Variants in CHMP4B observed in about 807,000 individuals in gnomAD.
CHMP4B encodes the protein charged multivesicular body protein 4B, also known as SNF7 homolog associated with Alix 1.
In CHMP4B, 1 loss-of-function variant was observed where a neutral mutation model predicts 25.1. The observed-to-expected ratio is 0.04, with a 90% CI of 0.01 to 0.19. CHMP4B has a LOEUF of 0.19. CHMP4B is among the 10% of genes least tolerant of loss of function. The pLI is 1.00. For missense variants in CHMP4B, 151 were observed against 289.7 expected, an observed-to-expected ratio of 0.52 and a Z score of 3.48; for synonymous variants, 101 against 115.6, an observed-to-expected ratio of 0.87 and a Z score of 0.81.
At chr20:33,841,720 AT>A (rs963101051) in intron 1 of CHMP4B, among the ~76,000 whole-genome samples, 2 of 152,112 alleles carry the variant, frequency 1.3e-5, no homozygotes, top group African/African-American at 4.8e-5. Flanking sequence ...CCTCTTTCCC[AT>A]TCTTTTTTCC....
intron 1 of CHMP4B, among the ~76,000 whole-genome samples, chr20:33,829,788 C>G (rs962481574): frequency 6.6e-6 from 1 of 152,160 alleles, no homozygotes; most frequent in African/African-American, 2.4e-5. Flanking sequence ...AGACCAGTGC[C>G]TAATGTAGGG....
At chr20:33,818,918 GT>G (rs1238378019) in intron 1 of CHMP4B, among the ~76,000 whole-genome samples, 2 of 150,596 alleles carry the variant, frequency 1.3e-5, no homozygotes, top group Admixed American at 1.3e-4. Context: ...TTTTTTGTTT[GT>G]TTTTTTTTGA....
chr20:33,826,222 G>A (rs1338122335), intron 1 of CHMP4B, among the ~76,000 whole-genome samples: 1 of 152,174 alleles, frequency 6.6e-6, no homozygotes, highest in Non-Finnish European at 1.5e-5. Context: ...TAGCACCAGG[G>A]GGATGGCAGG....
chr20:33,834,008 T>A (rs1160231086), intron 1 of CHMP4B, among the ~76,000 whole-genome samples: 1 of 152,258 alleles, frequency 6.6e-6, no homozygotes, highest in Non-Finnish European at 1.5e-5. Context: ...TTTGTAGTAT[T>A]GGTATGAAGT....
At chr20:33,830,933 G>GTTTTTTTGTTTTTTT (rs1979223711) in intron 1 of CHMP4B, among the ~76,000 whole-genome samples, 1 of 102,520 alleles carries the variant, frequency 9.8e-6, no homozygotes, top group Non-Finnish European at 1.9e-5. Flanking sequence ...AAGGAACAGA[G>GTTTTTTTGTTTTTTT]TTTTTTTTTT....
intron 1 of CHMP4B, among the ~76,000 whole-genome samples, chr20:33,822,492 A>G (rs1978970212): frequency 6.6e-6 from 1 of 152,210 alleles, no homozygotes; most frequent in Non-Finnish European, 1.5e-5. Flanking sequence ...TCATCTCTCC[A>G]AAGCATGTTC....
chr20:33,816,532 T>C (rs1568604745), intron 1 of CHMP4B, among the ~76,000 whole-genome samples: 1 of 152,208 alleles, frequency 6.6e-6, no homozygotes, highest in Non-Finnish European at 1.5e-5. Context: ...TTGGTACCTT[T>C]CTAAACAATG....
intron 2 of CHMP4B, 100 bp downstream of exon 2, chr20:33,848,744 A>G (rs1336331183): frequency 8.9e-6 from 11 of 1,237,974 alleles, no homozygotes; most frequent in Middle Eastern, 1.9e-4. Flanking sequence ...TGACTTACCT[A>G]TTCGAGCACC....
chr20:33,848,689 G>A (rs371665840), intron 2 of CHMP4B, 45 bp downstream of exon 2: 66 of 1,604,922 alleles, frequency 4.1e-5, no homozygotes, highest in African/African-American at 5.4e-5. Context: ...TGCTAGTCCC[G>A]GAATGCCTCG....
At chr20:33,835,179 A>G (rs1436515318) in intron 1 of CHMP4B, among the ~76,000 whole-genome samples, 8 of 152,216 alleles carry the variant, frequency 5.3e-5, no homozygotes. Context: ...TCTTCTTGCT[A>G]GCATCGTTTT....
At chr20:33,835,426 C>G (rs1450247452) in intron 1 of CHMP4B, among the ~76,000 whole-genome samples, 2 of 152,172 alleles carry the variant, frequency 1.3e-5, no homozygotes, top group African/African-American at 4.8e-5. Context: ...GTTTATTCAC[C>G]TGCCCTCCTC....
chr20:33,837,029 C>T (rs930297184), intron 1 of CHMP4B, among the ~76,000 whole-genome samples: 8 of 152,176 alleles, frequency 5.3e-5, no homozygotes, highest in Admixed American at 6.5e-5. Context: ...CAAATCTCTT[C>T]ATCTGTAAAA....
intron 1 of CHMP4B, among the ~76,000 whole-genome samples, chr20:33,820,636 T>C (rs1362222278): frequency 6.6e-6 from 1 of 152,058 alleles, no homozygotes; most frequent in Non-Finnish European, 1.5e-5. Context: ...AGGATTCAGT[T>C]TGTGACATGC....
At position 33,811,535 on chromosome 20, in the gene CHMP4B, C is replaced by A; in HGVS notation, c.67C>A (p.Gln23Lys). 4 of 1,610,298 alleles carry A rather than the reference C, an allele frequency of 2.5e-6. No individual in the cohort carries two copies. The highest frequency in any genetic ancestry group is 2.2e-5 in the East Asian group (1 of 44,762). Residue 23 changes from glutamine (Q) to lysine (K), a missense_variant, in exon 1 of 5, where the codon CAG (glutamine) becomes AAG (lysine). Gln to Lys is a moderately conservative substitution (Grantham distance 53). Transcript: ENST00000217402. ...GGCCGGCAAGGGCGGCCCGACCCCC[C>A]AGGAGGCCATCCAGCGGCTGCGGGA... The part of the protein sequence containing the change: ...GKAGKGGPTP[Q>K]EAIQRLRDTE...
At chr20:33,850,861 G>T (rs1979826350) in intron 2 of CHMP4B, 91 bp from the exon 3 acceptor site, 3 of 879,208 alleles carry the variant, frequency 3.4e-6, no homozygotes, top group Admixed American at 1.7e-5. Context: ...AGCTGATTTT[G>T]TGGGGCCCAG....
intron 1 of CHMP4B, among the ~76,000 whole-genome samples, chr20:33,826,765 GAGT>G (rs1451060739): frequency 2.0e-5 from 3 of 152,182 alleles, no homozygotes; most frequent in Non-Finnish European, 4.4e-5. Flanking sequence ...TCTGTTTTCA[GAGT>G]ATCTCAGGTT....
At chr20:33,822,179 T>C (rs541599602) in intron 1 of CHMP4B, among the ~76,000 whole-genome samples, 2 of 152,276 alleles carry the variant, frequency 1.3e-5, no homozygotes, top group African/African-American at 4.8e-5. Flanking sequence ...AGTCTCTCCC[T>C]GTTGCCTAGG....
chr20:33,840,264 G>T (rs1217736454), intron 1 of CHMP4B, among the ~76,000 whole-genome samples: 1 of 151,680 alleles, frequency 6.6e-6, no homozygotes, highest in African/African-American at 2.4e-5. Flanking sequence ...AAAAGGGGGG[G>T]GACAGGACAG....
rs767533349 is a variant in CHMP4B, at chr20:33,848,525, C to T, written c.249C>T (p.Asp83=). 72 of 1,614,088 alleles carry T rather than the reference C, an allele frequency of 4.5e-5. No homozygotes were observed. The highest frequency in any genetic ancestry group is 2.7e-4 in the African/African-American group (20 of 74,922). ...ATGAGAAGCAGCTGGCGCAGATCGA[C>T]GGCACATTATCAACCATCGAGTTCC... ...KRYEKQLAQI[D]GTLSTIEFQR... is the part of the protein sequence containing the mutation. The change falls in exon 2 of 5, where the codon GAC becomes GAT. Residue 83 remains aspartate (D), a synonymous_variant. Coordinates refer to ENST00000217402, the MANE Select transcript of CHMP4B (RefSeq NM_176812.5).
Sources: gnomAD v4.1 joint callset for allele counts (sites outside exome capture counted in the v4.1 genomes callset) on GRCh38, gnomAD v4.1.1 for gene constraint, MANE v1.5 for transcripts, NCBI Gene and HGNC (gene_info 2026-07-23, HGNC 2026-07-21) for gene names.